The following NDUFAF2 variants were observed in gnomAD, a reference collection of about 807,000 sequenced individuals.
The protein encoded by NDUFAF2 is NADH:ubiquinone oxidoreductase complex assembly factor 2, also known as NADH dehydrogenase [ubiquinone] 1 alpha subcomplex assembly factor 2.
Under a neutral mutation model 22.8 loss-of-function variants are expected in NDUFAF2, and 13 were observed. The ratio of observed to expected loss-of-function variants is 0.57; its 90% CI spans 0.37 to 0.91. The LOEUF is 0.91. Ranked by LOEUF, NDUFAF2 falls within the 40% of genes least tolerant of loss-of-function variation. The pLI, the probability that NDUFAF2 is intolerant of heterozygous loss-of-function variation, is 0.01. For synonymous variants in NDUFAF2, 53 were observed against 64.2 expected, an observed-to-expected ratio of 0.83 and a Z score of 0.84; for missense variants, 162 against 195.2, an observed-to-expected ratio of 0.83 and a Z score of 1.01.
In NDUFAF2 at chr5:61,032,339, C is replaced by G. The variant is rs181684518; in HGVS notation, c.128-40786C>G. 3.6e-3 allele frequency among the ~76,000 whole-genome samples: 541 copies of G among 152,238 alleles called. 2 individuals are homozygous for G. The highest frequency in any genetic ancestry group is 5.9e-3 in the Non-Finnish European group (401 of 68,008). ...TGAATGGTATTGCCTAGGTTTTCTT[C>G]TAGGGTTTTTATGGTTTTAGGTCTT... On this transcript the variant is annotated intron_variant, in intron 1 of 3. Coordinates refer to ENST00000296597, the MANE Select transcript of NDUFAF2 (RefSeq NM_174889.5).
intron 1 of NDUFAF2, among the ~76,000 whole-genome samples, chr5:61,037,181 G>C (rs1751810476): frequency 6.6e-6 from 1 of 152,154 alleles, no homozygotes. Flanking sequence ...GGCGGTGATT[G>C]AGTGCCACAT....
chr5:61,132,585 T>A (rs1753125864), intron 3 of NDUFAF2, among the ~76,000 whole-genome samples: 1 of 152,196 alleles, frequency 6.6e-6, no homozygotes, highest in Non-Finnish European at 1.5e-5. Context: ...TAGAATTCAC[T>A]CTACAACCCT....
chr5:60,977,073 T>C (rs1368712928), intron 1 of NDUFAF2, among the ~76,000 whole-genome samples: 1 of 152,110 alleles, frequency 6.6e-6, no homozygotes, highest in East Asian at 1.9e-4. Context: ...TAATAAAGTA[T>C]TAAGTACTAA....
intron 1 of NDUFAF2, among the ~76,000 whole-genome samples, chr5:61,062,859 T>C (rs1752182521): frequency 6.6e-6 from 1 of 152,158 alleles, no homozygotes; most frequent in Non-Finnish European, 1.5e-5. Flanking sequence ...AGCAGATTTC[T>C]CAGCAGAAAC....
intron 1 of NDUFAF2, among the ~76,000 whole-genome samples, chr5:61,038,338 A>C (rs1279524929): frequency 6.6e-6 from 1 of 152,190 alleles, no homozygotes; most frequent in Non-Finnish European, 1.5e-5. Flanking sequence ...ATAATTGTGC[A>C]TTATTACCCT....
intron 1 of NDUFAF2, among the ~76,000 whole-genome samples, chr5:60,963,302 C>T (rs538745025): frequency 6.6e-6 from 1 of 152,262 alleles, no homozygotes; most frequent in East Asian, 1.9e-4. Flanking sequence ...TTTTCCTACA[C>T]GTACTAGGAA....
intron 1 of NDUFAF2, among the ~76,000 whole-genome samples, chr5:60,984,822 C>T (rs1173446552): frequency 7.9e-5 from 12 of 152,228 alleles, no homozygotes; most frequent in African/African-American, 2.2e-4. Context: ...TTTTTTGCAT[C>T]GATGTTCATC....
chr5:61,097,646 AT>A (rs1166665922), intron 2 of NDUFAF2, among the ~76,000 whole-genome samples: 2 of 152,224 alleles, frequency 1.3e-5, no homozygotes, highest in Non-Finnish European at 2.9e-5. Context: ...ATTATATGGC[AT>A]TAGGAAAGTT....
At chr5:61,003,758 C>G (rs573160983) in intron 1 of NDUFAF2, among the ~76,000 whole-genome samples, 2 of 148,592 alleles carry the variant, frequency 1.3e-5, no homozygotes, top group Non-Finnish European at 3.0e-5. Context: ...TCAAGTGATT[C>G]TTCCTTCTCC....
chr5:60,967,642 C>T (rs1561529593), intron 1 of NDUFAF2, among the ~76,000 whole-genome samples: 1 of 151,562 alleles, frequency 6.6e-6, no homozygotes, highest in Non-Finnish European at 1.5e-5. Flanking sequence ...TAGTTTATCA[C>T]ATTTATTGGT....
At chr5:61,031,228 C>T (rs1246750749) in intron 1 of NDUFAF2, among the ~76,000 whole-genome samples, 1 of 152,060 alleles carries the variant, frequency 6.6e-6, no homozygotes, top group African/African-American at 2.4e-5. Context: ...AGGTTTGTTA[C>T]ATAGGTATAC....
chr5:60,976,811 C>T (rs545027268), intron 1 of NDUFAF2, among the ~76,000 whole-genome samples: 3 of 151,974 alleles, frequency 2.0e-5, no homozygotes, highest in Admixed American at 6.6e-5. Flanking sequence ...GAACCTGATA[C>T]GTTATTCTAT....
intron 2 of NDUFAF2, among the ~76,000 whole-genome samples, chr5:61,082,462 T>C (rs576103937): frequency 1.6e-4 from 24 of 152,126 alleles, no homozygotes; most frequent in Non-Finnish European, 3.2e-4. Context: ...ATGTGCATGT[T>C]TCTTACATGG....
chr5:61,023,427 C>T (rs1405301776), intron 1 of NDUFAF2, among the ~76,000 whole-genome samples: 1 of 152,176 alleles, frequency 6.6e-6, no homozygotes, highest in African/African-American at 2.4e-5. Flanking sequence ...TTTATTACAT[C>T]AGCTAAAGCT....
chr5:60,996,082 C>A (rs1255018559), intron 1 of NDUFAF2, among the ~76,000 whole-genome samples: 5 of 152,106 alleles, frequency 3.3e-5, no homozygotes, highest in Non-Finnish European at 7.4e-5. Context: ...AAAATGCCAT[C>A]CAAGAGCCAA....
At chr5:61,106,560 A>T (rs1013122146) in intron 3 of NDUFAF2, among the ~76,000 whole-genome samples, 4 of 151,030 alleles carry the variant, frequency 2.6e-5, no homozygotes, top group Admixed American at 2.6e-4. Context: ...TCTTAATTAT[A>T]CTCTTTTAGT....
chr5:60,975,937 T>G (rs1750896463), intron 1 of NDUFAF2, among the ~76,000 whole-genome samples: 1 of 152,242 alleles, frequency 6.6e-6, no homozygotes, highest in Admixed American at 6.5e-5. Flanking sequence ...GTTTGTGGAA[T>G]TAAATTATAA....
intron 1 of NDUFAF2, among the ~76,000 whole-genome samples, chr5:61,043,662 T>G (rs186319504): frequency 6.6e-6 from 1 of 151,436 alleles, no homozygotes; most frequent in African/African-American, 2.4e-5. Flanking sequence ...ATTGCCATCT[T>G]TTTGAAAGCT....
intron 1 of NDUFAF2, among the ~76,000 whole-genome samples, chr5:61,018,918 A>G (rs1293528824): frequency 6.6e-6 from 1 of 152,118 alleles, no homozygotes; most frequent in African/African-American, 2.4e-5. Context: ...TTTAGTTCCT[A>G]AGAAAATTGT....
Sources: allele counts gnomAD v4.1 joint callset (sites outside exome capture counted in the v4.1 genomes callset), GRCh38; gene constraint gnomAD v4.1.1; transcripts MANE v1.5; gene names NCBI Gene and HGNC (gene_info 2026-07-23, HGNC 2026-07-21).